INO80C: variants seen among roughly 807,000 people sequenced by gnomAD.
INO80C encodes IES6 homolog.
INO80C carries 17 observed loss-of-function variants against 17.7 expected under a neutral mutation model. The ratio of observed to expected loss-of-function variants is 0.96; its 90% CI spans 0.66 to 1.44. The LOEUF is 1.44. Among genes scored for constraint, INO80C ranks in the 40% most tolerant of loss-of-function variants. The probability of loss-of-function intolerance (pLI) is 0.00; values close to 1 mark genes in which losing one functional copy is unlikely to be tolerated. For missense variants in INO80C, 244 were observed against 245.0 expected, an observed-to-expected ratio of 1.00 and a Z score of 0.03; for synonymous variants, 96 against 95.8, an observed-to-expected ratio of 1.00 and a Z score of -0.01.
intron 4 of INO80C, among the ~76,000 whole-genome samples, 193 bp downstream of exon 4, chr18:35,478,089 G>A (rs2045758518): frequency 6.6e-6 from 1 of 152,038 alleles, no homozygotes; most frequent in Admixed American, 6.5e-5. Flanking sequence ...CTGCTTTCTG[G>A]TTCAATCCTC....
intron 1 of INO80C, among the ~76,000 whole-genome samples, chr18:35,491,035 C>T (rs1467620313): frequency 6.6e-6 from 1 of 152,210 alleles, no homozygotes; most frequent in Non-Finnish European, 1.5e-5. Context: ...GCTGGGATTC[C>T]AGGTGTGAGC....
At chr18:35,477,614 A>C (rs773419740) in intron 4 of INO80C, among the ~76,000 whole-genome samples, 1 of 152,240 alleles carries the variant, frequency 6.6e-6, no homozygotes, top group Non-Finnish European at 1.5e-5. Context: ...AAAAAAGATG[A>C]ATCTTAGGTT....
intron 4 of INO80C, among the ~76,000 whole-genome samples, chr18:35,473,063 GTGTGAAAACCAT>G (rs1183789431): frequency 2.6e-5 from 4 of 152,278 alleles, no homozygotes; most frequent in African/African-American, 9.6e-5. Context: ...TCCTCCTAAT[GTGTGAAAACCAT>G]TGTACTAGCA....
intron 4 of INO80C, among the ~76,000 whole-genome samples, chr18:35,472,941 T>C (rs968120065): frequency 2.0e-5 from 3 of 152,244 alleles, no homozygotes; most frequent in Non-Finnish European, 4.4e-5. Context: ...GTTATCTGTC[T>C]ATTCAGAACT....
chr18:35,476,146 CAG>C (rs1434539289), intron 4 of INO80C, among the ~76,000 whole-genome samples: 1 of 152,114 alleles, frequency 6.6e-6, no homozygotes, highest in African/African-American at 2.4e-5. Context: ...AGGAAACAAA[CAG>C]AATTTTAAAA....
At chr18:35,478,145 C>T (rs576409805) in intron 4 of INO80C, 137 bp downstream of exon 4, 1 of 633,612 alleles carries the variant, frequency 1.6e-6, no homozygotes, top group African/African-American at 1.9e-5. Flanking sequence ...AATGAACACA[C>T]TGCACAAACC....
intron 1 of INO80C, among the ~76,000 whole-genome samples, chr18:35,482,772 C>T (rs2045827580): frequency 6.6e-6 from 1 of 152,180 alleles, no homozygotes; most frequent in Non-Finnish European, 1.5e-5. Context: ...GCACCCCACT[C>T]TCCCTTCCTC....
rs747458840 is a variant in INO80C at position 35,497,730 on chromosome 18, T to G, written c.145A>C (p.Ser49Arg). The change falls in exon 1 of 5, where the codon AGC (serine) becomes CGC (arginine). Residue 49 changes from serine to arginine, a missense_variant. By Grantham distance (110) the Ser-to-Arg change is moderately radical. Transcript: ENST00000334598. ...GCGCGACTGCGTACCTGCGCAAAGC[T>G]GGAAGCGGACGCTTTTTTCTTCTTA... ...ASKKKKASAS[S>R]FAQGISMEAM... 5.0e-6 allele frequency: 8 copies of G among 1,612,160 alleles called. No homozygotes were observed. Among genetic ancestry groups the G allele is most frequent in the African/African-American group, 2.7e-5 (2 of 74,774 alleles).
intron 1 of INO80C, among the ~76,000 whole-genome samples, chr18:35,494,188 G>A (rs766049349): frequency 6.6e-6 from 1 of 152,144 alleles, no homozygotes; most frequent in Non-Finnish European, 1.5e-5. Context: ...TTGGCTCAAG[G>A]TTAGACATTA....
chr18:35,476,270 A>T (rs2045734455), intron 4 of INO80C, among the ~76,000 whole-genome samples: 1 of 152,234 alleles, frequency 6.6e-6, no homozygotes, highest in Non-Finnish European at 1.5e-5. Context: ...GTCATTAAAA[A>T]CAAGGACAAC....
intron 1 of INO80C, among the ~76,000 whole-genome samples, chr18:35,496,545 T>C (rs1384629349): frequency 1.3e-5 from 2 of 152,212 alleles, no homozygotes; most frequent in Non-Finnish European, 2.9e-5. Flanking sequence ...AAAAGGGCAC[T>C]GGATCTGTAG....
chr18:35,480,404 T>A lies in INO80C; in HGVS notation c.267+49A>T, dbSNP rs2045792260. 7 of 1,262,284 alleles carry A rather than the reference T, an allele frequency of 5.5e-6. No individual in the cohort carries two copies. The East Asian group carries it at 1.2e-4, about 21-fold the overall frequency. 78.2% of individuals were successfully genotyped at this position (1,262,284 alleles called of 1,614,324 possible). ...CTACAGGCCCAGCAAGATCAGAGGC[T>A]GAGGTGTGGCATTTGGATGTTTATT... On this transcript the variant is annotated intron_variant, in intron 2 of 4. Transcript: ENST00000334598.
At chr18:35,485,961 C>CA (rs1225815476) in intron 1 of INO80C, among the ~76,000 whole-genome samples, 2 of 152,054 alleles carry the variant, frequency 1.3e-5, no homozygotes, top group Non-Finnish European at 2.9e-5. Flanking sequence ...CCTTTCTCTA[C>CA]AAAAAATAAA....
At chr18:35,484,630 A>G (rs1317208663) in intron 1 of INO80C, among the ~76,000 whole-genome samples, 2 of 152,250 alleles carry the variant, frequency 1.3e-5, no homozygotes, top group African/African-American at 2.4e-5. Context: ...ATTACCTATT[A>G]TAAGTAATCT....
intron 4 of INO80C, among the ~76,000 whole-genome samples, chr18:35,469,310 T>A (rs2045641690): frequency 6.6e-6 from 1 of 152,206 alleles, no homozygotes; most frequent in South Asian, 2.1e-4. Flanking sequence ...GCAATTCTGA[T>A]CATGTCATTC....
In INO80C at chr18:35,471,322, T is replaced by C. The variant is rs559223066; in HGVS notation, c.448-2580A>G. Among the ~76,000 whole-genome samples, 3 of 152,370 alleles carry C rather than the reference T, an allele frequency of 2.0e-5. No homozygotes were observed. In the East Asian group the frequency reaches 5.8e-4, roughly 29 times the overall value. ...TAAGTGGGCACCTTTCCAGACTTTTTATGTCTACCCCTATACACATATGTA... is the reference window on the plus strand; with the variant it reads ...TAAGTGGGCACCTTTCCAGACTTTTCATGTCTACCCCTATACACATATGTA... On this transcript the variant is annotated intron_variant, in intron 4 of 4. Coordinates refer to ENST00000334598, the MANE Select transcript of INO80C (RefSeq NM_194281.4).
intron 1 of INO80C, among the ~76,000 whole-genome samples, chr18:35,495,042 T>C (rs1240403747): frequency 1.3e-5 from 2 of 152,204 alleles, no homozygotes; most frequent in East Asian, 3.9e-4. Flanking sequence ...CTCAAGAAGA[T>C]TCCTGGCAGC....
chr18:35,478,549 A>G (rs1263871782), intron 3 of INO80C, among the ~76,000 whole-genome samples, 200 bp from the exon 4 acceptor site: 1 of 152,228 alleles, frequency 6.6e-6, no homozygotes, highest in African/African-American at 2.4e-5. Context: ...GGCCAAGTGC[A>G]GGCTCCAGAT....
At chr18:35,495,056 C>A (rs940350700) in intron 1 of INO80C, among the ~76,000 whole-genome samples, 1 of 152,190 alleles carries the variant, frequency 6.6e-6, no homozygotes, top group Non-Finnish European at 1.5e-5. Flanking sequence ...TGGCAGCCCT[C>A]AGGGGTACTG....
Sources: allele counts gnomAD v4.1 joint callset (sites outside exome capture counted in the v4.1 genomes callset), GRCh38; gene constraint gnomAD v4.1.1; transcripts MANE v1.5; gene names NCBI Gene and HGNC (gene_info 2026-07-23, HGNC 2026-07-21).